Variants in RAI1 observed in about 807,000 individuals in gnomAD.
The protein encoded by RAI1 is retinoic acid induced 1.
A neutral mutation model predicts 123.8 loss-of-function variants in RAI1; 9 were observed. That is an observed-to-expected ratio of 0.07 (90% CI 0.04 to 0.13). The LOEUF is 0.13. Among genes scored for constraint, RAI1 ranks in the 10% least tolerant of loss-of-function variants. The pLI is 1.00. For missense variants in RAI1, 2,256 were observed against 2,545.8 expected (o/e 0.89, Z 2.45); for synonymous variants, 1,231 against 1,127.3 (o/e 1.09, Z -1.84).
chr17:17,762,526 C>G (rs2030746955), intron 2 of RAI1, among the ~76,000 whole-genome samples: 1 of 152,200 alleles, frequency 6.6e-6, no homozygotes. Context: ...AGCAGGAGAT[C>G]TGGCTCTCAG....
intron 2 of RAI1, among the ~76,000 whole-genome samples, chr17:17,730,014 G>A (rs946829424): frequency 3.3e-5 from 5 of 152,164 alleles, no homozygotes; most frequent in African/African-American, 1.2e-4. Context: ...CAGAGGGGCG[G>A]GCAGAACAGG....
rs1021307888 is a variant in RAI1, at chr17:17,795,090, T to G, written c.2142T>G (p.Leu714=). 1 of 1,613,984 alleles carries G rather than the reference T, an allele frequency of 6.2e-7. No individual in the cohort carries two copies. Among genetic ancestry groups the G allele is most frequent in the South Asian group, 1.1e-5 (1 of 91,082 alleles). ...TCTCCTTTGGTACCAAGCCCACCCT[T>G]GGGGTTCCTGCTCCAGACCCCACTA... ...GPLSFGTKPT[L]GVPAPDPTTA... is the part of the protein sequence containing the mutation. Residue 714 remains leucine, a synonymous_variant, in exon 3 of 6, where the codon CTT becomes CTG. Coordinates refer to ENST00000353383, the MANE Select transcript of RAI1 (RefSeq NM_030665.4). The surrounding 1 kb of genome is among the most constrained non-coding windows in gnomAD (Gnocchi z 5.9).
intron 2 of RAI1, among the ~76,000 whole-genome samples, chr17:17,757,306 A>C (rs1322806824): frequency 3.9e-5 from 6 of 152,214 alleles, no homozygotes; most frequent in Admixed American, 3.9e-4. Context: ...TGAGAGGCCA[A>C]GGTGGGTTTG....
Position 17,800,756 on chromosome 17 carries a change from T to G in RAI1, c.5565+2243T>G, listed in dbSNP as rs1226394976. On this transcript the variant is annotated intron_variant, in intron 3 of 5. Coordinates refer to ENST00000353383, the MANE Select transcript of RAI1 (RefSeq NM_030665.4). This position sits in a 1 kb window ranked among gnomAD's most constrained non-coding sequence, Gnocchi z 4.7. ...ACCCTGCCAGACAGATGGGACATCC[T>G]GGGAGAATGGGCAGAGTCTGGGGCT... 1.3e-5 allele frequency among the ~76,000 whole-genome samples: 2 copies of G among 152,212 alleles called. No individual in the cohort carries two copies. Among genetic ancestry groups the G allele is most frequent in the African/African-American group, 2.4e-5 (1 of 41,456 alleles).
chr17:17,750,709 A>AG (rs2030127506), intron 2 of RAI1, among the ~76,000 whole-genome samples: 1 of 151,376 alleles, frequency 6.6e-6, no homozygotes, highest in African/African-American at 2.4e-5. Context: ...AAAAAAAAAA[A>AG]AAAAGAAAAG....
chr17:17,682,769 G>A (rs1914482052), intron 1 of RAI1, among the ~76,000 whole-genome samples: 1 of 152,166 alleles, frequency 6.6e-6, no homozygotes, highest in Non-Finnish European at 1.5e-5. Context: ...TCTTTCTTGG[G>A]GCTCTTGGTC....
At chr17:17,713,661 A>C (rs950049622) in intron 1 of RAI1, among the ~76,000 whole-genome samples, 5 of 151,810 alleles carry the variant, frequency 3.3e-5, no homozygotes, top group African/African-American at 1.2e-4. Context: ...ATAAATAATA[A>C]AATTTTAAAA....
intron 1 of RAI1, among the ~76,000 whole-genome samples, chr17:17,682,027 C>G (rs1199749144): frequency 7.0e-6 from 1 of 141,948 alleles, no homozygotes; most frequent in East Asian, 2.1e-4. Context: ...CGCCCTGCGC[C>G]GCGGCTGAGG....
rs1159296638 is a variant in RAI1 at position 17,681,769 on chromosome 17, C to T, written c.-173C>T. ...CGAAGTCGCAGCGCCAGACCCAAGG[C>T]CCCCGAGTGAGCGCGGGCGCCGAGG... is the stretch of plus-strand genomic sequence containing the variant. On this transcript the variant is annotated 5_prime_UTR_variant, in exon 1 of 6. Transcript: ENST00000353383. 1.2e-5 allele frequency: 4 copies of T among 327,216 alleles called. No individual in the cohort carries two copies. The highest frequency in any genetic ancestry group is 9.1e-5 in the East Asian group (2 of 21,964). The allele number at this position is 327,216 out of a possible 1,614,324, so 20.3% of individuals were successfully genotyped here.
At chr17:17,699,875 T>A (rs1360855324) in intron 1 of RAI1, among the ~76,000 whole-genome samples, 2 of 152,066 alleles carry the variant, frequency 1.3e-5, no homozygotes, top group Non-Finnish European at 2.9e-5. Context: ...TGTGGCTTCC[T>A]AGTTATGAGC....
intron 2 of RAI1, among the ~76,000 whole-genome samples, chr17:17,749,564 G>T (rs1303406960): frequency 6.6e-6 from 1 of 152,234 alleles, no homozygotes. Context: ...GAGGGGATGT[G>T]ATGGAGATGG....
chr17:17,765,090 A>T (rs1315560472), intron 2 of RAI1, among the ~76,000 whole-genome samples: 1 of 152,180 alleles, frequency 6.6e-6, no homozygotes, highest in Non-Finnish European at 1.5e-5. Flanking sequence ...CTGAGACGGG[A>T]GGAGAGTTTG....
chr17:17,772,755 T>C (rs1304505266), intron 2 of RAI1, among the ~76,000 whole-genome samples: 1 of 152,152 alleles, frequency 6.6e-6, no homozygotes. Context: ...GTAGGGCCCT[T>C]TCCCATGCGC....
At chr17:17,688,313 A>G (rs1914709731) in intron 1 of RAI1, among the ~76,000 whole-genome samples, 2 of 151,868 alleles carry the variant, frequency 1.3e-5, no homozygotes, top group African/African-American at 4.8e-5. Context: ...GATGAAACCC[A>G]TCTCTACTAA....
At position 17,796,203 on chromosome 17, in the gene RAI1, G is replaced by T. The variant is rs1489041824; in HGVS notation, c.3255G>T (p.Gly1085=). 6.4e-7 allele frequency: 1 copy of T among 1,554,954 alleles called. No individual in the cohort carries two copies. Among genetic ancestry groups the T allele is most frequent in the Non-Finnish European group, 8.7e-7 (1 of 1,150,036 alleles). Residue 1085 remains glycine (G), a synonymous_variant, in exon 3 of 6, where the codon GGG becomes GGT. Coordinates refer to ENST00000353383, the MANE Select transcript of RAI1 (RefSeq NM_030665.4). This position sits in a 1 kb window ranked among gnomAD's most constrained non-coding sequence, Gnocchi z 5.8. ...TTTPAPPDKL[G]GKQRAAFKSG... is the part of the protein sequence containing the mutation. Reference sequence around the variant, plus strand: ...CCCCTGCACCCCCAGACAAACTGGGGGGCAAGCAGCGAGCCGCCTTCAAGT... The same window carrying T: ...CCCCTGCACCCCCAGACAAACTGGGTGGCAAGCAGCGAGCCGCCTTCAAGT...
intron 1 of RAI1, among the ~76,000 whole-genome samples, chr17:17,703,829 A>G (rs1287164780): frequency 6.6e-6 from 1 of 151,920 alleles, no homozygotes; most frequent in East Asian, 1.9e-4. Flanking sequence ...AACTCCACCA[A>G]CCCCTTTTCT....
intron 2 of RAI1, among the ~76,000 whole-genome samples, chr17:17,775,348 C>A (rs1344332378): frequency 6.6e-6 from 1 of 151,948 alleles, no homozygotes; most frequent in Non-Finnish European, 1.5e-5. Flanking sequence ...AGACTACAGG[C>A]ATGCATCACC....
Position 17,796,159 on chromosome 17 carries a change from C to G in RAI1, c.3211C>G (p.Pro1071Ala). 3.2e-6 allele frequency: 5 copies of G among 1,560,582 alleles called. No individual in the cohort carries two copies. Among genetic ancestry groups the G allele is most frequent in the South Asian group, 2.3e-5 (2 of 85,126 alleles). The change falls in exon 3 of 6, where the codon CCC becomes GCC. Residue 1071 changes from proline to alanine, a missense_variant. By Grantham distance (27) the Pro-to-Ala change is conservative (BLOSUM62 -1). Coordinates refer to ENST00000353383, the MANE Select transcript of RAI1 (RefSeq NM_030665.4). This position sits in a 1 kb window ranked among gnomAD's most constrained non-coding sequence, Gnocchi z 5.8. ...CCTGAGTGAGCCCCGCACGCCCGGA[C>G]CCCCAGGCCTGACCACCACCCCTGC... ...TALSEPRTPG[P>A]PGLTTTPAPP...
chr17:17,682,234 G>T (rs1914450828), intron 1 of RAI1, among the ~76,000 whole-genome samples: 2 of 152,080 alleles, frequency 1.3e-5, no homozygotes, highest in South Asian at 4.1e-4. Flanking sequence ...ACGGGGAGCT[G>T]ACTTCCCCAT....
Sources: gnomAD v4.1 joint callset for allele counts (sites outside exome capture counted in the v4.1 genomes callset) on GRCh38, gnomAD v4.1.1 for gene constraint, Gnocchi (gnomAD v3.1) non-coding constraint, MANE v1.5 for transcripts, NCBI Gene and HGNC (gene_info 2026-07-23, HGNC 2026-07-21) for gene names.